Variants in SHANK2 observed in about 807,000 individuals in gnomAD.
SHANK2 encodes the protein SH3 and multiple ankyrin repeat domains 2, also known as SH3 and multiple ankyrin repeat domains protein 2.
Under a neutral mutation model 133.7 loss-of-function variants are expected in SHANK2, and 43 were observed. That is an observed-to-expected ratio of 0.32 (90% CI 0.25 to 0.41). The LOEUF is 0.41. Among genes scored for constraint, SHANK2 ranks in the 10% least tolerant of loss-of-function variants. The pLI is 1.00. For synonymous variants in SHANK2, 1,017 were observed against 952.8 expected (o/e 1.07, Z -1.24); for missense variants, 1,994 against 2,235.8 (o/e 0.89, Z 2.18).
chr11:70,627,249 C>T (rs1220968053), intron 17 of SHANK2, among the ~76,000 whole-genome samples: 10 of 152,170 alleles, frequency 6.6e-5, no homozygotes, highest in African/African-American at 2.4e-4. Flanking sequence ...AGTGAGCCGG[C>T]GGCTGCAGGG....
intron 11 of SHANK2, among the ~76,000 whole-genome samples, chr11:70,823,418 T>TCA (rs1948577869): frequency 1.0e-5 from 1 of 95,604 alleles, no homozygotes; most frequent in Non-Finnish European, 2.1e-5. Context: ...TTGGCAGAAC[T>TCA]CGGGGGACAG....
At chr11:71,214,816 G>A (rs576162018) in intron 2 of SHANK2, among the ~76,000 whole-genome samples, 1 of 152,338 alleles carries the variant, frequency 6.6e-6, no homozygotes, top group South Asian at 2.1e-4. Context: ...AAGGTGAAGT[G>A]GGGTCACAAA....
chr11:71,187,674 C>T (rs1953701539), intron 2 of SHANK2, among the ~76,000 whole-genome samples: 1 of 152,158 alleles, frequency 6.6e-6, no homozygotes, highest in South Asian at 2.1e-4. Flanking sequence ...GCAGAAGCCT[C>T]AGTGGGAGGC....
intron 11 of SHANK2, among the ~76,000 whole-genome samples, chr11:70,825,928 T>TC (rs1555057123): frequency 1.3e-5 from 2 of 152,228 alleles, no homozygotes; most frequent in Non-Finnish European, 2.9e-5. Flanking sequence ...TACATTTTTT[T>TC]CCCCACAATA....
chr11:70,546,309 CA>C (rs1565118110), intron 17 of SHANK2, among the ~76,000 whole-genome samples: 1 of 152,038 alleles, frequency 6.6e-6, no homozygotes, highest in East Asian at 1.9e-4. Context: ...GCTCAACCTC[CA>C]GCCCCTCTTC....
intron 11 of SHANK2, among the ~76,000 whole-genome samples, chr11:70,822,413 A>C (rs1555056140): frequency 6.6e-6 from 1 of 152,232 alleles, no homozygotes. Flanking sequence ...GGGGACATGG[A>C]TGGTGCTGGC....
chr11:70,763,302 G>A (rs1170452196), intron 14 of SHANK2, among the ~76,000 whole-genome samples: 1 of 152,090 alleles, frequency 6.6e-6, no homozygotes, highest in Non-Finnish European at 1.5e-5. Context: ...TTGAGACAGG[G>A]CCATGGGATG....
intron 14 of SHANK2, among the ~76,000 whole-genome samples, chr11:70,787,933 C>A (rs1947705363): frequency 6.6e-6 from 1 of 152,188 alleles, no homozygotes; most frequent in South Asian, 2.1e-4. Context: ...ATGCCCCCCT[C>A]CCAAGTTTAC....
At chr11:70,676,868 A>G (rs1944914236) in intron 15 of SHANK2, among the ~76,000 whole-genome samples, 1 of 152,196 alleles carries the variant, frequency 6.6e-6, no homozygotes, top group East Asian at 1.9e-4. Flanking sequence ...TCAACTGTCC[A>G]GAGAAGATCT....
At chr11:70,675,721 T>G (rs1944893449) in intron 15 of SHANK2, among the ~76,000 whole-genome samples, 1 of 152,230 alleles carries the variant, frequency 6.6e-6, no homozygotes. Flanking sequence ...GAGAAGATTT[T>G]GCCAGGAGAT....
chr11:70,952,087 T>C (rs1950853137), intron 10 of SHANK2, among the ~76,000 whole-genome samples: 1 of 152,208 alleles, frequency 6.6e-6, no homozygotes, highest in Admixed American at 6.5e-5. Flanking sequence ...TGGAGACTTT[T>C]AAGTAAATCC....
chr11:70,938,297 G>A (rs570154231), intron 10 of SHANK2, among the ~76,000 whole-genome samples: 11 of 152,292 alleles, frequency 7.2e-5, no homozygotes, highest in African/African-American at 2.6e-4. Flanking sequence ...TAGAGGAGAT[G>A]TGCTGAGGAT....
At chr11:70,626,101 C>G (rs1554999871) in intron 17 of SHANK2, among the ~76,000 whole-genome samples, 1 of 152,186 alleles carries the variant, frequency 6.6e-6, no homozygotes, top group Non-Finnish European at 1.5e-5. Flanking sequence ...ACCCCGCACA[C>G]ACGGTTGCTA....
At chr11:70,785,614 C>G (rs1219030094) in intron 14 of SHANK2, among the ~76,000 whole-genome samples, 1 of 152,208 alleles carries the variant, frequency 6.6e-6, no homozygotes, top group Non-Finnish European at 1.5e-5. Context: ...AGGGGCTGGG[C>G]AGGGCCTGTC....
intron 11 of SHANK2, chr11:70,896,272 A>T: frequency 2.2e-6 from 1 of 446,982 alleles, no homozygotes; most frequent in Non-Finnish European, 3.9e-6. Flanking sequence ...CCTTCTAGAG[A>T]GGCATGTTTC....
At chr11:70,841,650 C>T (rs74711640) in intron 11 of SHANK2, among the ~76,000 whole-genome samples, 4,069 of 152,244 alleles carry the variant, frequency 0.027, 165 homozygotes, top group African/African-American at 0.092. Flanking sequence ...TTGGAAGGTC[C>T]GGGGCCCCTT....
At chr11:71,167,453 C>T (rs1953182066) in intron 2 of SHANK2, among the ~76,000 whole-genome samples, 2 of 139,652 alleles carry the variant, frequency 1.4e-5, no homozygotes, top group Non-Finnish European at 3.1e-5. Flanking sequence ...GGCGGCTGGC[C>T]GGGCAGAGGG....
At chr11:70,539,123 A>C (rs147587837) in intron 17 of SHANK2, among the ~76,000 whole-genome samples, 2,001 of 152,292 alleles carry the variant, frequency 0.013, 22 homozygotes, top group Middle Eastern at 0.02. Context: ...GGATCAGGAA[A>C]TCAGACAAGG....
chr11:71,115,066 A>G (rs1397512627), intron 4 of SHANK2, among the ~76,000 whole-genome samples: 1 of 152,180 alleles, frequency 6.6e-6, no homozygotes, highest in African/African-American at 2.4e-5. Flanking sequence ...TGCTGAAATT[A>G]TCTGAGGCAA....
Sources: allele counts gnomAD v4.1 joint callset (sites outside exome capture counted in the v4.1 genomes callset), GRCh38; gene constraint gnomAD v4.1.1; transcripts MANE v1.5; gene names NCBI Gene and HGNC (gene_info 2026-07-23, HGNC 2026-07-21).